The following TRIM2 variants were observed in gnomAD, a reference collection of about 807,000 sequenced individuals.
TRIM2 encodes tripartite motif-containing protein 2.
Under a neutral mutation model 75.2 loss-of-function variants are expected in TRIM2, and 20 were observed. That is an observed-to-expected ratio of 0.27 (90% CI 0.19 to 0.39). The LOEUF (loss-of-function observed/expected upper bound fraction) is 0.39, where lower values mean the gene tolerates loss of function less well. Ranked by LOEUF, TRIM2 falls within the 10% of genes least tolerant of loss-of-function variation. The probability of loss-of-function intolerance (pLI) is 1.00; values close to 1 mark genes in which losing one functional copy is unlikely to be tolerated. For synonymous variants in TRIM2, 373 were observed against 388.3 expected (o/e 0.96, Z 0.46); for missense variants, 660 against 990.8 (o/e 0.67, Z 4.48).
intron 1 of TRIM2, chr4:153,222,953 GCGCGCAGCGA>G (rs1741034643): frequency 6.6e-6 from 1 of 152,296 alleles, no homozygotes; most frequent in Non-Finnish European, 1.5e-5. Context: ...CCCTGGCTGG[GCGCGCAGCGA>G]GGCCCAGGCC....
intron 3 of TRIM2, among the ~76,000 whole-genome samples, chr4:153,276,811 GT>G (rs1272891064): frequency 6.6e-6 from 1 of 152,088 alleles, no homozygotes; most frequent in Non-Finnish European, 1.5e-5. Flanking sequence ...GCTTTGGTAA[GT>G]TTATTAAACT....
intron 1 of TRIM2, among the ~76,000 whole-genome samples, chr4:153,196,629 A>C (rs949991535): frequency 1.3e-5 from 2 of 152,148 alleles, no homozygotes; most frequent in Non-Finnish European, 2.9e-5. Flanking sequence ...TACTGCTCAC[A>C]CTTTCCAAGG....
At chr4:153,163,463 C>A (rs1039791104) in intron 1 of TRIM2, among the ~76,000 whole-genome samples, 2 of 146,468 alleles carry the variant, frequency 1.4e-5, no homozygotes, top group African/African-American at 5.0e-5. Context: ...GAATTATAGG[C>A]ATGAACCACT....
chr4:153,314,376 C>G (rs545910206), intron 6 of TRIM2, among the ~76,000 whole-genome samples: 25 of 140,948 alleles, frequency 1.8e-4, no homozygotes, highest in Middle Eastern at 3.5e-3. Flanking sequence ...GCCGAGATCC[C>G]GCCACTGCAC....
chr4:153,197,503 A>G (rs1288700964), intron 1 of TRIM2, among the ~76,000 whole-genome samples: 2 of 152,068 alleles, frequency 1.3e-5, no homozygotes, highest in African/African-American at 4.8e-5. Context: ...CCCAGCCCCC[A>G]AGGTGATGGT....
chr4:153,289,029 A>C (rs1236317491), intron 3 of TRIM2, among the ~76,000 whole-genome samples: 1 of 152,126 alleles, frequency 6.6e-6, no homozygotes, highest in East Asian at 1.9e-4. Context: ...CTGTGAGCAT[A>C]TATGAAAGAG....
At chr4:153,273,853 C>T (rs1034266892) in intron 2 of TRIM2, among the ~76,000 whole-genome samples, 1 of 152,124 alleles carries the variant, frequency 6.6e-6, no homozygotes, top group Non-Finnish European at 1.5e-5. Context: ...ACGCAGAAAC[C>T]CCAATGATGA....
At chr4:153,253,651 AC>A (rs1160092392) in intron 1 of TRIM2, among the ~76,000 whole-genome samples, 1 of 152,204 alleles carries the variant, frequency 6.6e-6, no homozygotes, top group Non-Finnish European at 1.5e-5. Context: ...GGCACAACAT[AC>A]AGACCTTGCT....
chr4:153,336,250 C>G lies in TRIM2; in HGVS notation c.*1284C>G. 1 of 985,150 alleles carries G rather than the reference C, an allele frequency of 1.0e-6. No individual in the cohort carries two copies. Among genetic ancestry groups the G allele is most frequent in the Non-Finnish European group, 1.2e-6 (1 of 829,828 alleles). The allele number at this position is 985,150 out of a possible 1,614,324, so 61.0% of individuals were successfully genotyped here. A position where few individuals can be genotyped will look rare whatever the true frequency, so the allele number is the denominator to read the frequency against. Reference sequence around the variant, plus strand: ...ATTCCTTTACTAAGCAGTTTAAAGCCGTCCTAGTGGAGCAAGCCCTAAAGC... The same window carrying G: ...ATTCCTTTACTAAGCAGTTTAAAGCGGTCCTAGTGGAGCAAGCCCTAAAGC... On this transcript the variant is annotated 3_prime_UTR_variant, in exon 12 of 12. Transcript: ENST00000338700.
In TRIM2 at chr4:153,160,266, C is replaced by A. The variant is rs74678059; in HGVS notation, c.-49+6996C>A. ...AATTGAGTAGAGTAAGCTGTGTTAT[C>A]TAACACTTTTCTACTGCTTTTACAA... On this transcript the variant is annotated intron_variant, in intron 1 of 11. Coordinates refer to the TRIM2 transcript ENST00000437508. Among the ~76,000 whole-genome samples, 542 of 152,230 alleles carry A rather than the reference C, an allele frequency of 3.6e-3. 4 individuals are homozygous for A. The highest frequency in any genetic ancestry group is 0.012 in the African/African-American group (519 of 41,556).
chr4:153,162,868 T>C (rs1206743316), intron 1 of TRIM2, among the ~76,000 whole-genome samples: 2 of 152,148 alleles, frequency 1.3e-5, no homozygotes, highest in African/African-American at 4.8e-5. Flanking sequence ...ATGTGGCCAC[T>C]TGTGTCCAAG....
chr4:153,247,701 A>AAAAAG (rs1749640051), intron 1 of TRIM2, among the ~76,000 whole-genome samples: 1 of 142,676 alleles, frequency 7.0e-6, no homozygotes, highest in Non-Finnish European at 1.5e-5. Flanking sequence ...AAAAAAAAAA[A>AAAAAG]CTGTATAGGC....
intron 1 of TRIM2, among the ~76,000 whole-genome samples, chr4:153,178,608 T>C (rs1731721839): frequency 6.6e-6 from 1 of 152,186 alleles, no homozygotes. Context: ...CCTTGAGATG[T>C]TGGCTTTAAG....
chr4:153,218,713 A>G (rs1739153469), intron 1 of TRIM2, among the ~76,000 whole-genome samples: 1 of 152,008 alleles, frequency 6.6e-6, no homozygotes, highest in African/African-American at 2.4e-5. Context: ...GAGTCTTTTC[A>G]TATATGGTCT....
rs199912457 is a variant in TRIM2, at chr4:153,334,865, C to T, written c.2215C>T (p.Pro739Ser). The T allele has an allele frequency of 1.0e-4, 165 of 1,613,934 alleles. No individual in the cohort carries two copies. The African/African-American group carries it at 1.7e-3, about 17-fold the overall frequency. ...GTCCTACATTAACACATCTGCTGAC[C>T]CACTCTATGGCCCCCAAGGCCTGGC... is the stretch of plus-strand genomic sequence containing the variant. ...FLSYINTSADPLYGPQGLALT... is the reference protein window; with the variant it reads ...FLSYINTSADSLYGPQGLALT... Residue 739 changes from proline to serine, a missense_variant, in exon 12 of 12, where the codon CCA becomes TCA. This residue lies in a region of TRIM2 where 40 missense variants were observed against 99.8 expected (regional missense o/e 0.40). Transcript: ENST00000338700.
Position 153,335,157 on chromosome 4 carries a change from T to G in TRIM2, c.*191T>G. ...CAATTTCTGTATTTCACCTTTAGGG[T>G]TAAAAAAAACTCTTCTACTGAATCT... On this transcript the variant is annotated 3_prime_UTR_variant, in exon 12 of 12. Transcript: ENST00000338700. 2 of 1,274,872 alleles carry G rather than the reference T, an allele frequency of 1.6e-6. No homozygotes were observed. Among genetic ancestry groups the G allele is most frequent in the Non-Finnish European group, 9.9e-7 (1 of 1,009,512 alleles). The allele number at this position is 1,274,872 out of a possible 1,614,324, so 79.0% of individuals were successfully genotyped here.
At chr4:153,156,241 G>A (rs1264321122) in intron 1 of TRIM2, among the ~76,000 whole-genome samples, 1 of 152,132 alleles carries the variant, frequency 6.6e-6, no homozygotes, top group African/African-American at 2.4e-5. Flanking sequence ...TTTATGATTT[G>A]ATGCTTTCTT....
At chr4:153,313,340 T>C (rs1579617416) in intron 6 of TRIM2, among the ~76,000 whole-genome samples, 2 of 152,204 alleles carry the variant, frequency 1.3e-5, no homozygotes, top group South Asian at 4.1e-4. Flanking sequence ...AGATGCAGAG[T>C]TAGTGAGTAA....
intron 1 of TRIM2, among the ~76,000 whole-genome samples, chr4:153,175,950 G>A (rs545589218): frequency 2.6e-5 from 4 of 152,166 alleles, no homozygotes; most frequent in East Asian, 1.9e-4. Context: ...AGGCTGAGGC[G>A]AGAGAATCAG....
Sources: gnomAD v4.1 joint callset for allele counts (sites outside exome capture counted in the v4.1 genomes callset) on GRCh38, gnomAD v4.1.1 for gene constraint, gnomAD v4.1.1 regional missense constraint, MANE v1.5 for transcripts, NCBI Gene and HGNC (gene_info 2026-07-23, HGNC 2026-07-21) for gene names.